Variants in MMP26 observed in about 807,000 individuals in gnomAD.
MMP26 encodes matrix metallopeptidase 26.
A neutral mutation model predicts 31.0 loss-of-function variants in MMP26; 33 were observed. The ratio of observed to expected loss-of-function variants is 1.06; its 90% confidence interval spans 0.81 to 1.42. MMP26 has a LOEUF of 1.42. MMP26 is among the 40% of genes most tolerant of loss of function. The pLI, the probability that MMP26 is intolerant of heterozygous loss-of-function variation, is 0.00. For synonymous variants in MMP26, 122 were observed against 114.9 expected (o/e 1.06, Z -0.40); for missense variants, 347 against 316.1 (o/e 1.10, Z -0.74).
At chr11:4,706,047 T>C (rs570202909) in intron 1 of MMP26, among the ~76,000 whole-genome samples, 1 of 152,160 alleles carries the variant, frequency 6.6e-6, no homozygotes, top group South Asian at 2.1e-4. Context: ...GTTACAAGAA[T>C]CCTATTACGT....
intron 2 of MMP26, among the ~76,000 whole-genome samples, chr11:4,911,455 G>T (rs1279250065): frequency 1.3e-5 from 2 of 152,120 alleles, no homozygotes; most frequent in African/African-American, 2.4e-5. Flanking sequence ...ATTGATCAGT[G>T]AGTGTTGAAT....
intron 4 of MMP26, 22 bp from the exon 5 acceptor site, chr11:4,990,576 A>T: frequency 6.2e-7 from 1 of 1,604,280 alleles, no homozygotes; most frequent in African/African-American, 1.3e-5. Flanking sequence ...GAACTATTTC[A>T]TTTAGAGATT....
At chr11:4,931,404 C>T (rs1041490275) in intron 2 of MMP26, among the ~76,000 whole-genome samples, 2 of 151,908 alleles carry the variant, frequency 1.3e-5, no homozygotes, top group Non-Finnish European at 1.5e-5. Context: ...GAGATTTGCT[C>T]ATGGCTGGAG....
chr11:4,914,464 T>C, intron 2 of MMP26: 1 of 426,144 alleles, frequency 2.3e-6, no homozygotes, highest in Non-Finnish European at 4.2e-6. Flanking sequence ...AGTAGCAAGT[T>C]CCTGGAAGAG....
At chr11:4,804,010 T>G in intron 2 of MMP26, 1 of 1,613,806 alleles carries the variant, frequency 6.2e-7, no homozygotes, top group Non-Finnish European at 8.5e-7. Context: ...CACGTAGCAG[T>G]CCAGGGCCAT....
intron 2 of MMP26, among the ~76,000 whole-genome samples, chr11:4,978,478 T>A (rs1171460301): frequency 6.6e-6 from 1 of 152,074 alleles, no homozygotes; most frequent in Non-Finnish European, 1.5e-5. Context: ...TGGTACAATA[T>A]TTTTACCTCT....
chr11:4,766,075 GA>G (rs1459040310), intron 1 of MMP26, among the ~76,000 whole-genome samples: 1 of 152,118 alleles, frequency 6.6e-6, no homozygotes, highest in African/African-American at 2.4e-5. Flanking sequence ...CTTCTATTCA[GA>G]CCTCCTTGAT....
Position 4,749,655 on chromosome 11 carries a change from T to C in MMP26, c.-216-17615T>C, listed in dbSNP as rs1318356575. 3.3e-5 allele frequency among the ~76,000 whole-genome samples: 5 copies of C among 151,936 alleles called. No homozygotes were observed. In the South Asian group the frequency reaches 8.3e-4, roughly 25 times the overall value. On this transcript the variant is annotated intron_variant, in intron 1 of 7. Coordinates refer to ENST00000380390, the MANE Select transcript of MMP26 (RefSeq NM_021801.5). ...TACAGCCGGCTGATCTGTGACAGTGTTGACAAAAACATACACTGGGGAAAG... is the reference window on the plus strand; with the variant it reads ...TACAGCCGGCTGATCTGTGACAGTGCTGACAAAAACATACACTGGGGAAAG...
intron 1 of MMP26, among the ~76,000 whole-genome samples, chr11:4,722,003 G>A (rs1848019171): frequency 6.6e-6 from 1 of 152,056 alleles, no homozygotes; most frequent in Non-Finnish European, 1.5e-5. Context: ...ATCCCCAATG[G>A]GTCACATCTT....
At chr11:4,804,343 A>C in intron 2 of MMP26, 1 of 1,614,172 alleles carries the variant, frequency 6.2e-7, no homozygotes, top group Non-Finnish European at 8.5e-7. Context: ...GATGAAGGAC[A>C]CAGGATGAGA....
At chr11:4,807,185 A>G (rs1441548808) in intron 2 of MMP26, among the ~76,000 whole-genome samples, 4 of 152,190 alleles carry the variant, frequency 2.6e-5, no homozygotes, top group Admixed American at 2.6e-4. Context: ...CTTTGGGTAA[A>G]TACCCAGTAA....
chr11:4,870,298 T>G (rs981820107), intron 2 of MMP26, among the ~76,000 whole-genome samples: 1 of 152,140 alleles, frequency 6.6e-6, no homozygotes, highest in African/African-American at 2.4e-5. Context: ...AAATAATGTA[T>G]TATCTTTAAA....
At chr11:4,767,758 C>A (rs894919908) in intron 2 of MMP26, among the ~76,000 whole-genome samples, 3 of 152,186 alleles carry the variant, frequency 2.0e-5, no homozygotes, top group African/African-American at 2.4e-5. Flanking sequence ...CAGCACACTG[C>A]TGCCCTCAGT....
chr11:4,879,405 C>A (rs2133535026), intron 2 of MMP26, among the ~76,000 whole-genome samples: 1 of 152,104 alleles, frequency 6.6e-6, no homozygotes, highest in South Asian at 2.1e-4. Flanking sequence ...TGAATTTAAA[C>A]CATAGTTCCT....
intron 2 of MMP26, chr11:4,912,718 A>G (rs1247715448): frequency 1.3e-5 from 2 of 152,212 alleles, no homozygotes; most frequent in Non-Finnish European, 2.9e-5. Context: ...ACAGGCAGCT[A>G]TAACCTAGGC....
intron 2 of MMP26, among the ~76,000 whole-genome samples, chr11:4,838,792 A>G (rs1423672960): frequency 6.6e-6 from 1 of 151,938 alleles, no homozygotes; most frequent in African/African-American, 2.4e-5. Context: ...TCCCCCCACC[A>G]CAAGGACACT....
intron 1 of MMP26, among the ~76,000 whole-genome samples, chr11:4,740,738 C>A (rs2133292123): frequency 6.6e-6 from 1 of 150,946 alleles, no homozygotes; most frequent in South Asian, 2.1e-4. Flanking sequence ...TCCAAGACAA[C>A]CTGGAACATT....
At chr11:4,885,992 G>A (rs186580554) in intron 2 of MMP26, among the ~76,000 whole-genome samples, 65 of 152,136 alleles carry the variant, frequency 4.3e-4, no homozygotes, top group African/African-American at 1.6e-3. Context: ...TATGTCTTAT[G>A]TAACAACCAA....
chr11:4,704,995 G>C lies in MMP26; in HGVS notation c.-267G>C, dbSNP rs1847756396. On this transcript the variant is annotated 5_prime_UTR_variant, in exon 1 of 8. Transcript: ENST00000380390. The stretch of plus-strand genomic sequence containing the variant: ...GTGGGATGATCCTTCAAATAGCAGG[G>C]GGCAGGATCAAATAACCTCACCTTC... The C allele has an allele frequency of 6.6e-6, 1 of 152,126 alleles. No homozygotes were observed. Among genetic ancestry groups the C allele is most frequent in the Non-Finnish European group, 1.5e-5 (1 of 68,048 alleles). The allele number at this position is 152,126 out of a possible 1,614,324, so 9.4% of individuals were successfully genotyped here. A position where few individuals can be genotyped will look rare whatever the true frequency, so the allele number is the denominator to read the frequency against.
Sources: gnomAD v4.1 joint callset for allele counts (sites outside exome capture counted in the v4.1 genomes callset) on GRCh38, gnomAD v4.1.1 for gene constraint, MANE v1.5 for transcripts, NCBI Gene and HGNC (gene_info 2026-07-23, HGNC 2026-07-21) for gene names.